Variants in MYO5B observed in about 807,000 individuals in gnomAD.
The protein encoded by MYO5B is unconventional myosin-Vb.
MYO5B carries 143 observed loss-of-function variants against 229.3 expected under a neutral mutation model. The observed-to-expected ratio is 0.62, with a 90% CI of 0.54 to 0.72. MYO5B has a LOEUF of 0.72. MYO5B is among the 30% of genes least tolerant of loss of function. The pLI, the probability that MYO5B is intolerant of heterozygous loss-of-function variation, is 0.00. For synonymous variants in MYO5B, 918 were observed against 885.2 expected (o/e 1.04, Z -0.66); for missense variants, 2,321 against 2,331.0 (o/e 1.00, Z 0.09).
intron 17 of MYO5B, 71 bp downstream of exon 17, chr18:49,929,433 CACAGAGGG>C: frequency 8.4e-7 from 1 of 1,190,686 alleles, no homozygotes; most frequent in Non-Finnish European, 1.2e-6. Flanking sequence ...GCCGACGGTA[CACAGAGGG>C]CTCCCTGGGG....
At chr18:50,088,348 T>C (rs1161610038) in intron 1 of MYO5B, among the ~76,000 whole-genome samples, 1 of 152,164 alleles carries the variant, frequency 6.6e-6, no homozygotes, top group African/African-American at 2.4e-5. Flanking sequence ...CAGGCATGTA[T>C]AGGAACACCT....
chr18:50,153,124 C>T (rs2032625732), intron 1 of MYO5B, among the ~76,000 whole-genome samples: 1 of 152,114 alleles, frequency 6.6e-6, no homozygotes, highest in African/African-American at 2.4e-5. Flanking sequence ...AATCAATGTC[C>T]TGTGGCACAA....
At position 49,906,627 on chromosome 18, in the gene MYO5B, G is replaced by C. The variant is rs756703474; in HGVS notation, c.2206C>G (p.Pro736Ala). The change falls in exon 19 of 40, where the codon CCC (proline) becomes GCC (alanine). Residue 736 changes from proline (P) to alanine (A), a missense_variant. Around this residue, in one of 2 missense-constraint regions of MYO5B, gnomAD observed 2,113 missense variants for 2,044.7 expected, o/e 1.03. Coordinates refer to ENST00000285039, the MANE Select transcript of MYO5B (RefSeq NM_001080467.3). ...GTGCGGCCAAACTGGAACTTGTCGG[G>C]GTCCTTTACAAGGTAGGGAGGGGAT... The part of the protein sequence containing the change: ...RSVLENLIKD[P>A]DKFQFGRTKI... The C allele has an allele frequency of 1.9e-6, 3 of 1,613,664 alleles. No individual in the cohort carries two copies. Among genetic ancestry groups the C allele is most frequent in the Non-Finnish European group, 1.7e-6 (2 of 1,179,762 alleles).
At chr18:49,895,220 G>T (rs1055292811) in intron 21 of MYO5B, 46 bp from the exon 22 acceptor site, 1 of 1,505,226 alleles carries the variant, frequency 6.6e-7, no homozygotes. Context: ...AGAAGTGGGG[G>T]AAGAAAAGGT....
At chr18:50,029,829 G>C (rs1598965093) in intron 4 of MYO5B, among the ~76,000 whole-genome samples, 1 of 152,134 alleles carries the variant, frequency 6.6e-6, no homozygotes, top group African/African-American at 2.4e-5. Context: ...GTTACTGGGG[G>C]CAGACCCTTG....
chr18:50,126,199 A>C (rs1005517676), intron 1 of MYO5B, among the ~76,000 whole-genome samples: 1 of 152,266 alleles, frequency 6.6e-6, no homozygotes, highest in Non-Finnish European at 1.5e-5. Context: ...GTTAAAAAAC[A>C]GTAAATTTTA....
At chr18:50,031,359 T>G (rs1453667619) in intron 4 of MYO5B, among the ~76,000 whole-genome samples, 1 of 152,218 alleles carries the variant, frequency 6.6e-6, no homozygotes, top group African/African-American at 2.4e-5. Context: ...ACCCAGTTAC[T>G]GTCTTCATGA....
intron 1 of MYO5B, among the ~76,000 whole-genome samples, chr18:50,169,705 G>C (rs1271813561): frequency 1.6e-5 from 2 of 127,782 alleles, no homozygotes; most frequent in Non-Finnish European, 3.3e-5. Flanking sequence ...CTGAGTCAAT[G>C]GACAAAACTT....
intron 13 of MYO5B, among the ~76,000 whole-genome samples, chr18:49,953,646 C>A (rs1443048941): frequency 6.6e-6 from 1 of 152,148 alleles, no homozygotes; most frequent in Non-Finnish European, 1.5e-5. Flanking sequence ...TGTATTTTAA[C>A]AAGACCCTAG....
At chr18:49,936,671 C>T (rs2025253962) in intron 15 of MYO5B, among the ~76,000 whole-genome samples, 1 of 152,144 alleles carries the variant, frequency 6.6e-6, no homozygotes, top group South Asian at 2.1e-4. Context: ...GGTCACTGTG[C>T]ACCGGAAGCC....
At chr18:50,139,578 T>C (rs1223581627) in intron 1 of MYO5B, among the ~76,000 whole-genome samples, 1 of 152,206 alleles carries the variant, frequency 6.6e-6, no homozygotes, top group Non-Finnish European at 1.5e-5. Flanking sequence ...AGGAAGCTCC[T>C]GGAGGACAGT....
At chr18:50,113,744 C>T (rs946668389) in intron 1 of MYO5B, among the ~76,000 whole-genome samples, 2 of 152,184 alleles carry the variant, frequency 1.3e-5, no homozygotes, top group African/African-American at 4.8e-5. Context: ...AGAGGAGCCC[C>T]CTCTTACCCA....
chr18:49,992,426 AAT>A lies in MYO5B; in HGVS notation c.616_617del (p.Ile206TrpfsTer9). 6.2e-7 allele frequency: 1 copy of A among 1,614,136 alleles called. No individual in the cohort carries two copies. Among genetic ancestry groups the A allele is most frequent in the Non-Finnish European group, 8.5e-7 (1 of 1,179,988 alleles). ...VLASSPIMEA[I>X]GNAKTTRNDN... ...CATTGCGGGTGGTCTTGGCATTTCC[AAT>A]GGCCTGCACAGACCAGACAGACAAA... is the stretch of plus-strand genomic sequence containing the variant. On this transcript the variant is annotated frameshift_variant, in exon 6 of 40. Transcript: ENST00000285039. LOFTEE classifies it high-confidence loss of function.
At chr18:50,114,383 T>C (rs1419585387) in intron 1 of MYO5B, among the ~76,000 whole-genome samples, 1 of 152,088 alleles carries the variant, frequency 6.6e-6, no homozygotes, top group Non-Finnish European at 1.5e-5. Flanking sequence ...TTAAACTAAC[T>C]CTCAGCCTAT....
intron 1 of MYO5B, among the ~76,000 whole-genome samples, chr18:50,178,528 T>C (rs2033028456): frequency 6.6e-6 from 1 of 152,160 alleles, no homozygotes; most frequent in Non-Finnish European, 1.5e-5. Context: ...ACAAAAAGCA[T>C]AAGGCAAGAT....
intron 8 of MYO5B, among the ~76,000 whole-genome samples, chr18:49,983,648 A>G (rs1218626424): frequency 3.9e-5 from 6 of 152,180 alleles, no homozygotes; most frequent in African/African-American, 1.4e-4. Flanking sequence ...TCCCTTTTGT[A>G]GTCAATCACC....
chr18:50,180,817 G>T (rs998723353), intron 1 of MYO5B, among the ~76,000 whole-genome samples: 4 of 152,102 alleles, frequency 2.6e-5, no homozygotes, highest in Admixed American at 6.6e-5. Flanking sequence ...TGCCCTCAAG[G>T]TTCATCCTTG....
At chr18:50,010,023 C>A (rs939010700) in intron 4 of MYO5B, among the ~76,000 whole-genome samples, 1 of 152,188 alleles carries the variant, frequency 6.6e-6, no homozygotes, top group African/African-American at 2.4e-5. Flanking sequence ...GGGCACCACT[C>A]AGCCACAGCC....
intron 14 of MYO5B, among the ~76,000 whole-genome samples, chr18:49,946,727 G>C (rs921916548): frequency 6.6e-6 from 1 of 152,168 alleles, no homozygotes; most frequent in Admixed American, 6.5e-5. Context: ...TGAAAAGCTA[G>C]GTTTTCCTTT....
Sources: allele counts gnomAD v4.1 joint callset (sites outside exome capture counted in the v4.1 genomes callset), GRCh38; gene constraint gnomAD v4.1.1; regional missense constraint gnomAD v4.1.1; transcripts MANE v1.5; gene names NCBI Gene and HGNC (gene_info 2026-07-23, HGNC 2026-07-21).